C2CD5: variants seen among roughly 807,000 people sequenced by gnomAD.
C2CD5 encodes the protein C2 calcium dependent domain containing 5.
Under a neutral mutation model 130.3 loss-of-function variants are expected in C2CD5, and 109 were observed. The ratio of observed to expected loss-of-function variants is 0.84; its 90% CI spans 0.72 to 0.98. C2CD5 has a LOEUF of 0.98. Ranked by LOEUF, C2CD5 falls within the 50% of genes least tolerant of loss-of-function variation. The pLI is 0.00. For missense variants in C2CD5, 996 were observed against 1,261.8 expected, an observed-to-expected ratio of 0.79 and a Z score of 3.19; for synonymous variants, 454 against 429.2, an observed-to-expected ratio of 1.06 and a Z score of -0.71.
intron 26 of C2CD5, 125 bp from the exon 27 acceptor site, chr12:22,450,016 C>A: frequency 1.5e-6 from 1 of 679,080 alleles, no homozygotes; most frequent in Non-Finnish European, 2.3e-6. Flanking sequence ...TAAAGATAGG[C>A]AATCCAACAG....
intron 20 of C2CD5, 136 bp from the exon 21 acceptor site, chr12:22,471,047 A>G (rs1046198367): frequency 1.6e-6 from 1 of 620,732 alleles, no homozygotes; most frequent in Non-Finnish European, 2.9e-6. Context: ...AGAATTATGT[A>G]TAAATTCAAA....
At chr12:22,478,023 A>G (rs1944115449) in intron 15 of C2CD5, 1 of 366,006 alleles carries the variant, frequency 2.7e-6, no homozygotes, top group Non-Finnish European at 5.2e-6. Context: ...ACACACACAC[A>G]CACACTCACA....
At chr12:22,451,422 T>C (rs1174941654) in intron 26 of C2CD5, among the ~76,000 whole-genome samples, 1 of 152,140 alleles carries the variant, frequency 6.6e-6, no homozygotes, top group Admixed American at 6.6e-5. Flanking sequence ...TTCTCTACAC[T>C]TTTTGTGTAT....
chr12:22,529,911 C>T (rs1306192885), intron 3 of C2CD5, among the ~76,000 whole-genome samples: 1 of 151,624 alleles, frequency 6.6e-6, no homozygotes, highest in Non-Finnish European at 1.5e-5. Flanking sequence ...TAAACTGGAG[C>T]CAAAAGGACC....
chr12:22,482,854 T>C, intron 13 of C2CD5, 111 bp from the exon 14 acceptor site: 1 of 733,206 alleles, frequency 1.4e-6, no homozygotes, highest in Admixed American at 2.6e-5. Context: ...TTGTTTCTAA[T>C]GGGCTTACTG....
At chr12:22,515,978 T>A (rs1201456034) in intron 8 of C2CD5, among the ~76,000 whole-genome samples, 2 of 151,288 alleles carry the variant, frequency 1.3e-5, no homozygotes, top group Non-Finnish European at 3.0e-5. Flanking sequence ...AAAATTAGTA[T>A]CTACAGAAAT....
At chr12:22,471,308 T>G in intron 20 of C2CD5, 91 bp downstream of exon 20, 1 of 749,406 alleles carries the variant, frequency 1.3e-6, no homozygotes, top group South Asian at 1.8e-5. Context: ...TAGTATATGT[T>G]TATTTAATTA....
At chr12:22,455,988 T>C (rs1320369318) in intron 25 of C2CD5, among the ~76,000 whole-genome samples, 1 of 152,198 alleles carries the variant, frequency 6.6e-6, no homozygotes, top group African/African-American at 2.4e-5. Flanking sequence ...CCTGGCCTAA[T>C]TTACCTTAAA....
chr12:22,494,434 A>G (rs1007810597), intron 10 of C2CD5, among the ~76,000 whole-genome samples: 5 of 152,110 alleles, frequency 3.3e-5, no homozygotes, highest in African/African-American at 1.2e-4. Flanking sequence ...AATAAGTAGA[A>G]TTATACTCAC....
intron 11 of C2CD5, among the ~76,000 whole-genome samples, chr12:22,490,566 A>C (rs1228578043): frequency 1.3e-5 from 2 of 152,174 alleles, no homozygotes; most frequent in Non-Finnish European, 2.9e-5. Flanking sequence ...TTAATCAATG[A>C]AACTATATTA....
At chr12:22,508,686 T>A (rs1948849772) in intron 9 of C2CD5, among the ~76,000 whole-genome samples, 2 of 152,150 alleles carry the variant, frequency 1.3e-5, no homozygotes, top group South Asian at 2.1e-4. Context: ...TTGAACTTTG[T>A]AAATGTGAGT....
chr12:22,505,830 C>T (rs1948454525), intron 10 of C2CD5, among the ~76,000 whole-genome samples: 1 of 151,544 alleles, frequency 6.6e-6, no homozygotes, highest in African/African-American at 2.4e-5. Flanking sequence ...CAAATAGCTA[C>T]ATAAAAGAAA....
At chr12:22,503,782 G>A (rs1948115985) in intron 10 of C2CD5, among the ~76,000 whole-genome samples, 2 of 152,156 alleles carry the variant, frequency 1.3e-5, no homozygotes, top group Admixed American at 1.3e-4. Context: ...AAAATGTTGG[G>A]ATTACAGGTG....
At position 22,523,635 on chromosome 12, in the gene C2CD5, TG is replaced by T; in HGVS notation, c.602-12del. ...TCCTCTGCAGCTCACCTACAAAACATGGGAAATCTCATTCTTGCTTTGTAGC... is the reference window on the plus strand; with the variant it reads ...TCCTCTGCAGCTCACCTACAAAACATGGAAATCTCATTCTTGCTTTGTAGC... On this transcript the variant is annotated splice_polypyrimidine_tract_variant and intron_variant, in intron 6 of 26. Transcript: ENST00000446597. 1 of 1,603,808 alleles carries T rather than the reference TG, an allele frequency of 6.2e-7. No homozygotes were observed.
chr12:22,503,620 C>T (rs1948089164), intron 10 of C2CD5, among the ~76,000 whole-genome samples: 1 of 152,100 alleles, frequency 6.6e-6, no homozygotes, highest in African/African-American at 2.4e-5. Context: ...AAGTGATCCT[C>T]CTGCCTCAGC....
chr12:22,543,198 C>T (rs921955720), intron 2 of C2CD5, among the ~76,000 whole-genome samples: 30 of 152,236 alleles, frequency 2.0e-4, no homozygotes, highest in Non-Finnish European at 4.4e-5. Context: ...GATTGCTGCT[C>T]TAATGCTCTG....
intron 8 of C2CD5, among the ~76,000 whole-genome samples, chr12:22,514,550 TAATAAAAGAATA>T (rs1194073985): frequency 2.0e-5 from 3 of 151,808 alleles, no homozygotes; most frequent in Non-Finnish European, 4.4e-5. Context: ...GAAAAAAAGA[TAATAAAAGAATA>T]TCACCAAAAT....
chr12:22,532,477 A>G (rs1951384471), intron 3 of C2CD5, among the ~76,000 whole-genome samples: 2 of 152,158 alleles, frequency 1.3e-5, no homozygotes, highest in South Asian at 4.1e-4. Context: ...CCAAATGGTA[A>G]GGCTGTCTGA....
intron 9 of C2CD5, among the ~76,000 whole-genome samples, chr12:22,511,404 T>C (rs549888821): frequency 2.0e-5 from 3 of 152,240 alleles, no homozygotes; most frequent in East Asian, 1.9e-4. Context: ...CGCAAGTGAA[T>C]AGGAAAGCCA....
Sources: gnomAD v4.1 joint callset for allele counts (sites outside exome capture counted in the v4.1 genomes callset) on GRCh38, gnomAD v4.1.1 for gene constraint, MANE v1.5 for transcripts, NCBI Gene and HGNC (gene_info 2026-07-23, HGNC 2026-07-21) for gene names.